Variants in LARS2 observed in about 807,000 individuals in gnomAD.
LARS2 encodes leucine--tRNA ligase, mitochondrial.
LARS2 carries 81 observed loss-of-function variants against 116.6 expected under a neutral mutation model. That is an observed-to-expected ratio of 0.69 (90% confidence interval 0.58 to 0.84). The LOEUF (loss-of-function observed/expected upper bound fraction) is 0.84. Ranked by LOEUF, LARS2 falls within the 40% of genes least tolerant of loss-of-function variation. LARS2 has a pLI of 0.00. For missense variants in LARS2, 968 were observed against 1,114.5 expected (o/e 0.87, Z 1.87); for synonymous variants, 396 against 407.2 (o/e 0.97, Z 0.33).
intron 6 of LARS2, among the ~76,000 whole-genome samples, chr3:45,437,051 C>T (rs1042304411): frequency 1.3e-5 from 2 of 152,070 alleles, no homozygotes; most frequent in South Asian, 2.1e-4. Flanking sequence ...AAGCTGTTTT[C>T]GGTTAAAAAA....
At chr3:45,524,983 A>T (rs950703895) in intron 20 of LARS2, among the ~76,000 whole-genome samples, 1 of 152,228 alleles carries the variant, frequency 6.6e-6, no homozygotes, top group African/African-American at 2.4e-5. Flanking sequence ...TAGGATTTAT[A>T]GTTGACAGAG....
chr3:45,440,005 C>G (rs1249773180), intron 6 of LARS2, among the ~76,000 whole-genome samples: 3 of 152,166 alleles, frequency 2.0e-5, no homozygotes, highest in African/African-American at 7.2e-5. Flanking sequence ...AGTTCAATTC[C>G]AAGGTGTAAC....
chr3:45,545,790 G>T (rs1326783065), intron 21 of LARS2, among the ~76,000 whole-genome samples: 1 of 152,168 alleles, frequency 6.6e-6, no homozygotes, highest in African/African-American at 2.4e-5. Flanking sequence ...AAGCTCGAAG[G>T]TTTAGAAATG....
At chr3:45,510,302 T>G (rs981345717) in intron 15 of LARS2, among the ~76,000 whole-genome samples, 6 of 152,138 alleles carry the variant, frequency 3.9e-5, no homozygotes, top group Non-Finnish European at 7.4e-5. Flanking sequence ...TGGTCCCAGC[T>G]GCTTGCAGGG....
chr3:45,547,227 C>T, intron 21 of LARS2, 124 bp from the exon 22 acceptor site: 1 of 828,676 alleles, frequency 1.2e-6, no homozygotes, highest in Non-Finnish European at 1.8e-6. Flanking sequence ...CTCCTTTCTC[C>T]ACCTCTATTC....
rs577318046 is a variant in LARS2 at position 45,502,545 on chromosome 3, G to A, written c.1760+1966G>A. Reference sequence around the variant, plus strand: ...GCTTATTGATAGGATCTTTATTCTGGGACTACAGGCGCCCACCAGCACGCC... The same window carrying A: ...GCTTATTGATAGGATCTTTATTCTGAGACTACAGGCGCCCACCAGCACGCC... On this transcript the variant is annotated intron_variant, in intron 15 of 21. Transcript: ENST00000645846. Among the ~76,000 whole-genome samples the A allele has an allele frequency of 2.5e-3, 378 of 151,884 alleles. 4 individuals carry two copies. The highest frequency in any genetic ancestry group is 3.9e-3 in the Non-Finnish European group (267 of 67,894).
chr3:45,420,778 G>A (rs770669543), intron 6 of LARS2, among the ~76,000 whole-genome samples: 23 of 152,120 alleles, frequency 1.5e-4, no homozygotes, highest in Admixed American at 3.3e-4. Context: ...GGCAAAAATG[G>A]ACTTAATAAC....
In LARS2 at chr3:45,472,656, A is replaced by G. The variant is rs368286913; in HGVS notation, c.751-1587A>G. Among the ~76,000 whole-genome samples the G allele has an allele frequency of 1.4e-3, 219 of 152,350 alleles. 6 individuals carry two copies. In the South Asian group the frequency reaches 0.039, roughly 27 times the overall value. ...GCCATCTGAAATACAGATATGGGAAAGCTGAATTTAAGAACTGTTGTTATA... is the reference window on the plus strand; with the variant it reads ...GCCATCTGAAATACAGATATGGGAAGGCTGAATTTAAGAACTGTTGTTATA... On this transcript the variant is annotated intron_variant, in intron 8 of 21. Transcript: ENST00000645846.
intron 11 of LARS2, among the ~76,000 whole-genome samples, chr3:45,488,096 CA>C (rs752800755): frequency 2.0e-5 from 3 of 150,388 alleles, no homozygotes; most frequent in East Asian, 2.0e-4. Context: ...TTTTTAGTGG[CA>C]AAAAAAAGCA....
intron 13 of LARS2, among the ~76,000 whole-genome samples, chr3:45,493,164 A>G (rs1399289455): frequency 6.6e-6 from 1 of 151,796 alleles, no homozygotes; most frequent in Non-Finnish European, 1.5e-5. Context: ...CGGTGGTGCA[A>G]TCTCGGCTCA....
intron 4 of LARS2, among the ~76,000 whole-genome samples, chr3:45,411,310 G>A (rs577472393): frequency 6.6e-6 from 1 of 152,320 alleles, no homozygotes; most frequent in East Asian, 1.9e-4. Flanking sequence ...AATTGACCTG[G>A]TTCCCGACAC....
intron 10 of LARS2, among the ~76,000 whole-genome samples, chr3:45,480,539 T>C (rs1420776002): frequency 1.3e-5 from 2 of 152,242 alleles, no homozygotes; most frequent in Non-Finnish European, 2.9e-5. Context: ...TATTGTGAAA[T>C]GCTTCAGTTT....
At chr3:45,481,049 A>G (rs371251459) in intron 10 of LARS2, among the ~76,000 whole-genome samples, 34 of 152,100 alleles carry the variant, frequency 2.2e-4, no homozygotes, top group East Asian at 5.8e-4. Context: ...TCCCTCCCCA[A>G]TTCTTGCCTA....
At chr3:45,437,053 G>C (rs1698820805) in intron 6 of LARS2, among the ~76,000 whole-genome samples, 1 of 152,146 alleles carries the variant, frequency 6.6e-6, no homozygotes, top group African/African-American at 2.4e-5. Flanking sequence ...GCTGTTTTCG[G>C]TTAAAAAAGA....
At chr3:45,539,223 C>A (rs1700754205) in intron 20 of LARS2, among the ~76,000 whole-genome samples, 1 of 151,546 alleles carries the variant, frequency 6.6e-6, no homozygotes, top group African/African-American at 2.4e-5. Context: ...ATGAAAAGAA[C>A]CTAAAAGAAA....
chr3:45,518,199 G>A (rs764405012), intron 18 of LARS2, 127 bp downstream of exon 18: 33 of 663,264 alleles, frequency 5.0e-5, no homozygotes, highest in Non-Finnish European at 8.0e-5. Flanking sequence ...CCTGGCAATG[G>A]CGGTCCTTCT....
Position 45,465,765 on chromosome 3 carries a change from T to C in LARS2, c.750+6879T>C, listed in dbSNP as rs144901613. Among the ~76,000 whole-genome samples the C allele has an allele frequency of 3.4e-3, 520 of 152,330 alleles. 2 individuals are homozygous for C. Among genetic ancestry groups the C allele is most frequent in the African/African-American group, 0.012 (512 of 41,584 alleles). On this transcript the variant is annotated intron_variant, in intron 8 of 21. Coordinates refer to ENST00000645846, the MANE Select transcript of LARS2 (RefSeq NM_015340.4). ...AGGCCATCAGGTTTCCCTCCCTGAATGCAGGGCCTTCCTGCTGACCTCCCA... is the reference window on the plus strand; with the variant it reads ...AGGCCATCAGGTTTCCCTCCCTGAACGCAGGGCCTTCCTGCTGACCTCCCA...
intron 15 of LARS2, among the ~76,000 whole-genome samples, chr3:45,505,001 A>G (rs1455557890): frequency 6.6e-6 from 1 of 151,788 alleles, no homozygotes; most frequent in Non-Finnish European, 1.5e-5. Context: ...GAATTGCTTG[A>G]ACCTGGGAGG....
In LARS2 at chr3:45,474,926, A is replaced by G. The variant is rs148220743; in HGVS notation, c.858+576A>G. ...TCAAAACTAGATAGACTTAGAGCTT[A>G]GGGATTGTGTTTGAAACTGCTGTGG... On this transcript the variant is annotated intron_variant, in intron 9 of 21. Transcript: ENST00000645846. Among the ~76,000 whole-genome samples the G allele has an allele frequency of 6.0e-4, 92 of 152,334 alleles. 2 individuals carry two copies. The East Asian group carries it at 0.012, about 20-fold the overall frequency.
Sources: allele counts gnomAD v4.1 joint callset (sites outside exome capture counted in the v4.1 genomes callset), GRCh38; gene constraint gnomAD v4.1.1; transcripts MANE v1.5; gene names NCBI Gene and HGNC (gene_info 2026-07-23, HGNC 2026-07-21).